Variants in ACMSD observed in about 807,000 individuals in gnomAD.
The protein encoded by ACMSD is aminocarboxymuconate semialdehyde decarboxylase.
Under a neutral mutation model 45.9 loss-of-function variants are expected in ACMSD, and 37 were observed. The observed-to-expected ratio is 0.81, with a 90% confidence interval of 0.62 to 1.06. The LOEUF (loss-of-function observed/expected upper bound fraction) is 1.06. ACMSD is among the 50% of genes least tolerant of loss of function. The pLI, the probability that ACMSD is intolerant of heterozygous loss-of-function variation, is 0.00. For synonymous variants in ACMSD, 138 were observed against 148.8 expected, an observed-to-expected ratio of 0.93 and a Z score of 0.53; for missense variants, 434 against 420.9, an observed-to-expected ratio of 1.03 and a Z score of -0.27.
At chr2:134,840,058 T>G (rs10496731) in intron 1 of ACMSD, among the ~76,000 whole-genome samples, 77,198 of 150,746 alleles carry the variant, frequency 0.51, 20,646 homozygotes, top group Middle Eastern at 0.82. Context: ...ATTGACTAAC[T>G]TGTGATACAG....
chr2:134,880,756 T>G (rs181658942), intron 8 of ACMSD, among the ~76,000 whole-genome samples: 30 of 152,336 alleles, frequency 2.0e-4, no homozygotes, highest in Non-Finnish European at 4.3e-4. Flanking sequence ...ATTAAATGCT[T>G]TCCTCATGTG....
chr2:134,881,730 A>G (rs561218375), intron 8 of ACMSD, among the ~76,000 whole-genome samples: 2 of 152,220 alleles, frequency 1.3e-5, no homozygotes, highest in Non-Finnish European at 2.9e-5. Flanking sequence ...CAGGCTGCGC[A>G]TAATCCCAAC....
chr2:134,848,138 A>T (rs891265298), intron 2 of ACMSD, among the ~76,000 whole-genome samples: 2 of 152,222 alleles, frequency 1.3e-5, no homozygotes, highest in Non-Finnish European at 2.9e-5. Context: ...GGCGTGAGCC[A>T]TTGCACCCAG....
chr2:134,863,153 T>A (rs1687925128), intron 4 of ACMSD: 1 of 747,804 alleles, frequency 1.3e-6, no homozygotes, highest in South Asian at 6.0e-5. Flanking sequence ...TCTTCCCTTC[T>A]GATTCTGGCC....
chr2:134,891,114 T>G (rs1689759453), intron 8 of ACMSD, among the ~76,000 whole-genome samples: 1 of 152,158 alleles, frequency 6.6e-6, no homozygotes, highest in Non-Finnish European at 1.5e-5. Flanking sequence ...TTATTTCTTT[T>G]GCTGTGCAGA....
At chr2:134,884,255 C>A (rs1473419953) in intron 8 of ACMSD, among the ~76,000 whole-genome samples, 1 of 152,066 alleles carries the variant, frequency 6.6e-6, no homozygotes, top group African/African-American at 2.4e-5. Context: ...CAATGGGCAT[C>A]CAAAATCAAG....
chr2:134,859,303 G>A lies in ACMSD; in HGVS notation c.145G>A (p.Val49Met). ...GAAAGATGGGAAAGTCTTCAGAGTG[G>A]TGCGAGAGAATTGCTGGGATCCAGA... ...LLKDGKVFRV[V>M]RENCWDPEVR... Residue 49 changes from valine (V) to methionine (M), a missense_variant, in exon 3 of 10, where the codon GTG becomes ATG. Val to Met is a conservative substitution (Grantham distance 21). Coordinates refer to ENST00000356140, the MANE Select transcript of ACMSD (RefSeq NM_138326.3). The A allele has an allele frequency of 1.2e-6, 2 of 1,614,070 alleles. No homozygotes were observed. The highest frequency in any genetic ancestry group is 1.7e-6 in the Non-Finnish European group (2 of 1,180,004).
chr2:134,890,355 ATAAC>A (rs1689704818), intron 8 of ACMSD, among the ~76,000 whole-genome samples: 1 of 152,104 alleles, frequency 6.6e-6, no homozygotes, highest in East Asian at 1.9e-4. Context: ...ATTCTATAAA[ATAAC>A]TAATCTACAA....
At chr2:134,899,719 T>C (rs897896380) in intron 9 of ACMSD, among the ~76,000 whole-genome samples, 1 of 152,164 alleles carries the variant, frequency 6.6e-6, no homozygotes, top group African/African-American at 2.4e-5. Flanking sequence ...GGGTACTCAT[T>C]GTAACGCTGT....
At chr2:134,842,608 T>C (rs1301043791) in intron 1 of ACMSD, among the ~76,000 whole-genome samples, 1 of 152,098 alleles carries the variant, frequency 6.6e-6, no homozygotes, top group African/African-American at 2.4e-5. Context: ...CCCTCCACCA[T>C]GGCAATTAGT....
intron 2 of ACMSD, among the ~76,000 whole-genome samples, chr2:134,852,566 T>C (rs1442696043): frequency 2.0e-5 from 3 of 152,258 alleles, no homozygotes; most frequent in Middle Eastern, 3.4e-3. Context: ...GCTTGAAGGA[T>C]AGAAGCCGCC....
chr2:134,867,796 C>G (rs950754892), intron 6 of ACMSD, 124 bp downstream of exon 6: 7 of 644,728 alleles, frequency 1.1e-5, no homozygotes, highest in African/African-American at 9.1e-5. Context: ...GTAATAGCAG[C>G]TATCACTTAC....
In ACMSD at chr2:134,860,856, C is replaced by CAAAAAAAAA. The variant is rs60233157; in HGVS notation, c.200-1097_200-1089dup. Among the ~76,000 whole-genome samples, 406 of 72,418 alleles carry CAAAAAAAAA rather than the reference C, an allele frequency of 5.6e-3. 14 individuals carry two copies. The highest frequency in any genetic ancestry group is 7.6e-3 in the East Asian group (12 of 1,588). 47.5% of individuals were successfully genotyped at this position (72,418 alleles called of 152,430 possible). A position where few individuals can be genotyped will look rare whatever the true frequency, so the allele number is the denominator to read the frequency against. ...GAAACACAGTGAGACCCTGTCTCCACAAAAAAAAAAAAAAAAAAAAAAAAT... is the reference window on the plus strand; with the variant it reads ...GAAACACAGTGAGACCCTGTCTCCACAAAAAAAAAAAAAAAAAAAAAAAAAAAAAAAAAT... On this transcript the variant is annotated intron_variant, in intron 3 of 9. Transcript: ENST00000356140.
At chr2:134,867,712 T>C (rs749523591) in intron 6 of ACMSD, 40 bp downstream of exon 6, 3 of 1,555,260 alleles carry the variant, frequency 1.9e-6, no homozygotes, top group Admixed American at 1.7e-5. Context: ...GGACCAACTC[T>C]TGGGTTTTTC....
intron 8 of ACMSD, among the ~76,000 whole-genome samples, chr2:134,885,366 ATAT>A (rs1689335148): frequency 9.2e-6 from 1 of 108,514 alleles, no homozygotes; most frequent in Non-Finnish European, 1.7e-5. Context: ...ATTTACATAT[ATAT>A]TATATATAAT....
At chr2:134,850,969 C>A (rs988610241) in intron 2 of ACMSD, among the ~76,000 whole-genome samples, 2 of 152,162 alleles carry the variant, frequency 1.3e-5, no homozygotes, top group African/African-American at 4.8e-5. Context: ...CTCTGGTAGT[C>A]CCCAGTGTCT....
rs1489896289 is a variant in ACMSD at position 134,886,646 on chromosome 2, T to C, written c.850-11695T>C. ...ATAAAAAAAATCATAGCTATCCCCA[T>C]ACATAATGGTGAAATATTAAACACC... On this transcript the variant is annotated intron_variant, in intron 8 of 9. Transcript: ENST00000356140. 3.9e-5 allele frequency among the ~76,000 whole-genome samples: 6 copies of C among 152,230 alleles called. No individual in the cohort carries two copies. The East Asian group carries it at 1.2e-3, about 29-fold the overall frequency.
intron 8 of ACMSD, among the ~76,000 whole-genome samples, chr2:134,896,453 T>C (rs1690156634): frequency 6.6e-6 from 1 of 152,126 alleles, no homozygotes. Flanking sequence ...TATAGCTCAA[T>C]GATAAAAAGA....
At position 134,872,457 on chromosome 2, in the gene ACMSD, T is replaced by C. The variant is rs751070065; in HGVS notation, c.677-12T>C. On this transcript the variant is annotated splice_polypyrimidine_tract_variant and intron_variant, in intron 7 of 9. Coordinates refer to ENST00000356140, the MANE Select transcript of ACMSD (RefSeq NM_138326.3). The stretch of plus-strand genomic sequence containing the variant: ...TCAACACTAGCCCCTCAGTAATGGG[T>C]TTTACTTGCAGGTGGTGCCTTCCCC... 4 of 1,613,854 alleles carry C rather than the reference T, an allele frequency of 2.5e-6. No individual in the cohort carries two copies. Among genetic ancestry groups the C allele is most frequent in the Non-Finnish European group, 3.4e-6 (4 of 1,179,916 alleles).
Sources: gnomAD v4.1 joint callset for allele counts (sites outside exome capture counted in the v4.1 genomes callset) on GRCh38, gnomAD v4.1.1 for gene constraint, MANE v1.5 for transcripts, NCBI Gene and HGNC (gene_info 2026-07-23, HGNC 2026-07-21) for gene names.